The following MYO16 variants were observed in gnomAD, a reference collection of about 807,000 sequenced individuals.
The protein encoded by MYO16 is myosin XVI.
MYO16 carries 94 observed loss-of-function variants against 205.3 expected under a neutral mutation model. The ratio of observed to expected loss-of-function variants is 0.46; its 90% CI spans 0.39 to 0.54. The LOEUF is 0.54. MYO16 is among the 20% of genes least tolerant of loss of function. The pLI is 0.00. For missense variants in MYO16, 2,315 were observed against 2,387.5 expected (o/e 0.97, Z 0.63); for synonymous variants, 988 against 954.0 (o/e 1.04, Z -0.66).
chr13:109,122,082 G>C (rs1391506842), intron 29 of MYO16, among the ~76,000 whole-genome samples: 1 of 152,158 alleles, frequency 6.6e-6, no homozygotes, highest in Non-Finnish European at 1.5e-5. Context: ...CATCGCCAGG[G>C]ATCTGGCTAG....
intron 27 of MYO16, among the ~76,000 whole-genome samples, chr13:109,061,208 A>G (rs1330183762): frequency 6.6e-6 from 1 of 152,136 alleles, no homozygotes; most frequent in Admixed American, 6.5e-5. Flanking sequence ...TTCTGTCCAG[A>G]CCACTCAGAC....
chr13:109,177,642 T>C (rs7331699), intron 33 of MYO16, among the ~76,000 whole-genome samples: 97,651 of 151,904 alleles, frequency 0.64, 33,153 homozygotes, highest in East Asian at 0.86. Flanking sequence ...CTCAGCCTCC[T>C]GAGTAGCTGA....
rs141449565 is a variant in MYO16, at chr13:108,775,840, G to A, written c.508-9795G>A. On this transcript the variant is annotated intron_variant, in intron 4 of 34. Coordinates refer to ENST00000457511, the MANE Select transcript of MYO16 (RefSeq NM_001198950.3). ...AATTCATTCAACGGGAAGAATTATGGTGTTTGCACATGTGCGAGGGTGAGA... is the reference window on the plus strand; with the variant it reads ...AATTCATTCAACGGGAAGAATTATGATGTTTGCACATGTGCGAGGGTGAGA... Among the ~76,000 whole-genome samples the A allele has an allele frequency of 4.4e-3, 669 of 152,312 alleles. 2 individuals carry two copies. The highest frequency in any genetic ancestry group is 7.7e-3 in the Non-Finnish European group (521 of 68,020).
intron 12 of MYO16, among the ~76,000 whole-genome samples, chr13:108,869,488 G>T (rs1878909706): frequency 6.6e-6 from 1 of 151,680 alleles, no homozygotes; most frequent in African/African-American, 2.4e-5. Flanking sequence ...ACTTTGGGAG[G>T]CCGAGGCGGG....
chr13:108,972,362 A>ATATATATATATAGCCATC (rs1884077182), intron 20 of MYO16, among the ~76,000 whole-genome samples: 1 of 31,886 alleles, frequency 3.1e-5, no homozygotes, highest in African/African-American at 2.1e-4. Flanking sequence ...ATATATATAT[A>ATATATATATATAGCCATC]TATATATATA....
chr13:108,506,539 A>G, the MYO16 span, among the ~76,000 whole-genome samples: 5 of 151,946 alleles, frequency 3.3e-5, no homozygotes, highest in African/African-American at 1.2e-4. Context: ...GATTTCATTT[A>G]TTAGTTCTAA....
chr13:109,023,708 TA>T (rs1317417765), intron 23 of MYO16, among the ~76,000 whole-genome samples: 2 of 116,690 alleles, frequency 1.7e-5, no homozygotes, highest in Admixed American at 2.0e-4. Context: ...TATATGTATA[TA>T]TACAAATATA....
chr13:108,769,099 T>A (rs1885874157), intron 4 of MYO16, among the ~76,000 whole-genome samples: 1 of 152,126 alleles, frequency 6.6e-6, no homozygotes, highest in Non-Finnish European at 1.5e-5. Flanking sequence ...TCCAGGAGGG[T>A]ATACTATCAG....
In MYO16 at chr13:109,125,166, A is replaced by G; in HGVS notation, c.3590A>G (p.Gln1197Arg). The stretch of plus-strand genomic sequence containing the variant: ...CTGCTTCAGAGAATAAGCATCAGAC[A>G]ACAAGAGGTGACTTCTATCAATAGC... ...QHLLQRISIR[Q>R]QEVTSINSFL... Residue 1197 changes from glutamine (Q) to arginine (R), a missense_variant, in exon 30 of 35, where the codon CAA (glutamine) becomes CGA (arginine). By Grantham distance (43) the Gln-to-Arg change is conservative. This residue lies in a region of MYO16 where 1,097 missense variants were observed against 1,092.0 expected (regional missense o/e 1.00). Coordinates refer to ENST00000457511, the MANE Select transcript of MYO16 (RefSeq NM_001198950.3). The surrounding 1 kb of genome is among the most constrained non-coding windows in gnomAD (Gnocchi z 4.0). 1.9e-6 allele frequency: 3 copies of G among 1,614,170 alleles called. No individual in the cohort carries two copies. The South Asian group carries it at 3.3e-5, about 18-fold the overall frequency.
At chr13:109,065,864 A>G (rs940438859) in intron 27 of MYO16, among the ~76,000 whole-genome samples, 8 of 152,330 alleles carry the variant, frequency 5.3e-5, no homozygotes, top group East Asian at 1.9e-4. Flanking sequence ...AGAGAAGAGT[A>G]GGGTAACTAA....
At chr13:109,095,069 G>A (rs780798919) in intron 27 of MYO16, among the ~76,000 whole-genome samples, 1 of 152,158 alleles carries the variant, frequency 6.6e-6, no homozygotes, top group Non-Finnish European at 1.5e-5. Context: ...CTGAGTAAGT[G>A]AACCACAAAC....
intron 20 of MYO16, among the ~76,000 whole-genome samples, chr13:108,971,417 G>GTCTA (rs1400842965): frequency 6.9e-6 from 1 of 145,538 alleles, no homozygotes; most frequent in Non-Finnish European, 1.5e-5. Context: ...ATCTATATCT[G>GTCTA]TCTATCTATC....
intron 1 of MYO16, among the ~76,000 whole-genome samples, chr13:108,612,910 G>A (rs751840321): frequency 6.6e-6 from 1 of 152,130 alleles, no homozygotes; most frequent in Non-Finnish European, 1.5e-5. Flanking sequence ...TGCAACTCGG[G>A]GAGATGTAGC....
intron 16 of MYO16, among the ~76,000 whole-genome samples, chr13:108,946,350 C>T (rs1369828309): frequency 2.0e-5 from 3 of 151,928 alleles, no homozygotes; most frequent in South Asian, 2.1e-4. Context: ...CAACCTTTGA[C>T]CAAAGGAAAC....
At chr13:108,572,761 T>G in the MYO16 span, among the ~76,000 whole-genome samples, 925 of 152,316 alleles carry the variant, frequency 6.1e-3, 14 homozygotes, top group African/African-American at 0.021. Context: ...CTTTAAACAC[T>G]AGATCTATCG....
chr13:108,858,055 G>A (rs1038675142), intron 11 of MYO16, among the ~76,000 whole-genome samples: 1 of 152,166 alleles, frequency 6.6e-6, no homozygotes. Flanking sequence ...GGGTAGACAA[G>A]CAATTTAAAC....
At chr13:108,924,459 A>AC (rs1424367252) in intron 16 of MYO16, among the ~76,000 whole-genome samples, 1 of 152,126 alleles carries the variant, frequency 6.6e-6, no homozygotes, top group African/African-American at 2.4e-5. Context: ...AGCCACCCTC[A>AC]CCCCGTGTTG....
chr13:108,538,243 A>G, the MYO16 span, among the ~76,000 whole-genome samples: 1 of 152,122 alleles, frequency 6.6e-6, no homozygotes, highest in Admixed American at 6.6e-5. Context: ...TCAAGGTGGG[A>G]TCAGAACAAA....
chr13:108,672,161 A>T (rs963696422), intron 2 of MYO16, among the ~76,000 whole-genome samples: 1 of 152,176 alleles, frequency 6.6e-6, no homozygotes, highest in African/African-American at 2.4e-5. Context: ...AATGAAAGTA[A>T]TCTCTTTAGA....
Sources: gnomAD v4.1 joint callset for allele counts (sites outside exome capture counted in the v4.1 genomes callset) on GRCh38, gnomAD v4.1.1 for gene constraint, gnomAD v4.1.1 regional missense constraint, Gnocchi (gnomAD v3.1) non-coding constraint, MANE v1.5 for transcripts, NCBI Gene and HGNC (gene_info 2026-07-23, HGNC 2026-07-21) for gene names.